Variants in RBFOX3 observed in about 807,000 individuals in gnomAD.
RBFOX3 encodes the protein RNA binding protein fox-1 homolog 3.
RBFOX3 carries 17 observed loss-of-function variants against 48.7 expected under a neutral mutation model. The observed-to-expected ratio is 0.35, with a 90% CI of 0.24 to 0.52. The LOEUF (loss-of-function observed/expected upper bound fraction) is 0.52. RBFOX3 is among the 20% of genes least tolerant of loss of function. The pLI is 0.94. For synonymous variants in RBFOX3, 212 were observed against 209.5 expected, an observed-to-expected ratio of 1.01 and a Z score of -0.10; for missense variants, 382 against 497.5, an observed-to-expected ratio of 0.77 and a Z score of 2.21.
chr17:79,257,055 G>A lies in RBFOX3; in HGVS notation c.-73-21250C>T, dbSNP rs191451324. On this transcript the variant is annotated intron_variant, in intron 3 of 14. Coordinates refer to ENST00000693108, the MANE Select transcript of RBFOX3 (RefSeq NM_001350451.2). ...CTGCTGTCTCTCCACCTGCCCTACC[G>A]TGAGGCAGCAGACGGGTCCCCTCCA... Among the ~76,000 whole-genome samples, 37 of 152,300 alleles carry A rather than the reference G, an allele frequency of 2.4e-4. No individual in the cohort carries two copies. The East Asian group carries it at 5.4e-3, about 22-fold the overall frequency.
At chr17:79,371,461 C>A (rs2058531490) in intron 2 of RBFOX3, among the ~76,000 whole-genome samples, 1 of 152,200 alleles carries the variant, frequency 6.6e-6, no homozygotes, top group African/African-American at 2.4e-5. Context: ...TGCAGAGTGG[C>A]CCTTGTTGCT....
the RBFOX3 span, among the ~76,000 whole-genome samples, chr17:79,656,769 GGAAGGAAGGAA>G: frequency 3.2e-5 from 2 of 62,976 alleles, no homozygotes; most frequent in Non-Finnish European, 6.3e-5. Flanking sequence ...AAGGAAGGAA[GGAAGGAAGGAA>G]AGAAAGAAAG....
intron 4 of RBFOX3, among the ~76,000 whole-genome samples, chr17:79,189,159 C>G (rs2053993323): frequency 6.6e-6 from 1 of 152,214 alleles, no homozygotes; most frequent in Non-Finnish European, 1.5e-5. Flanking sequence ...TGTAACAATA[C>G]CTTGTATCTG....
chr17:79,395,653 C>T (rs2061900543), intron 2 of RBFOX3, among the ~76,000 whole-genome samples: 1 of 152,232 alleles, frequency 6.6e-6, no homozygotes, highest in African/African-American at 2.4e-5. Flanking sequence ...AGTGGGTCAT[C>T]TCCCCCAACC....
chr17:79,119,565 T>C (rs2035124485), intron 4 of RBFOX3, among the ~76,000 whole-genome samples: 1 of 152,168 alleles, frequency 6.6e-6, no homozygotes, highest in East Asian at 1.9e-4. Context: ...GTCTAGACCC[T>C]GCAATGCACG....
At chr17:79,360,049 T>A (rs1484977359) in intron 2 of RBFOX3, among the ~76,000 whole-genome samples, 2 of 152,096 alleles carry the variant, frequency 1.3e-5, no homozygotes, top group African/African-American at 4.8e-5. Flanking sequence ...TTTCTTTATT[T>A]TTTTTTTCAT....
intron 3 of RBFOX3, among the ~76,000 whole-genome samples, chr17:79,245,094 G>A (rs984418532): frequency 8.6e-6 from 1 of 116,166 alleles, no homozygotes; most frequent in Non-Finnish European, 1.7e-5. Context: ...TTTTCTTTTT[G>A]AGACAGAGTC....
intron 3 of RBFOX3, among the ~76,000 whole-genome samples, chr17:79,295,780 T>A (rs1428720890): frequency 6.6e-6 from 1 of 152,142 alleles, no homozygotes; most frequent in African/African-American, 2.4e-5. Flanking sequence ...GGGTGGGATC[T>A]AGTACCTTCC....
At position 79,363,933 on chromosome 17, in the gene RBFOX3, G is replaced by C. The variant is rs2057363801; in HGVS notation, c.-174-56109C>G. On this transcript the variant is annotated intron_variant, in intron 2 of 14. Coordinates refer to ENST00000693108, the MANE Select transcript of RBFOX3 (RefSeq NM_001350451.2). This position sits in a 1 kb window ranked among gnomAD's most constrained non-coding sequence, Gnocchi z 4.7. Reference sequence around the variant, plus strand: ...TCACCCACTCCACTCCAGCCACCCTGGCCTCCAGCTCCTCCACAAATCACA... The same window carrying C: ...TCACCCACTCCACTCCAGCCACCCTCGCCTCCAGCTCCTCCACAAATCACA... 1.3e-5 allele frequency among the ~76,000 whole-genome samples: 2 copies of C among 152,048 alleles called. 1 individual carries two copies. Among genetic ancestry groups the C allele is most frequent in the African/African-American group, 4.8e-5 (2 of 41,384 alleles).
At chr17:79,504,433 C>T (rs1259088865) in intron 1 of RBFOX3, among the ~76,000 whole-genome samples, 1 of 152,208 alleles carries the variant, frequency 6.6e-6, no homozygotes, top group Admixed American at 6.5e-5. Flanking sequence ...CTCAAAGCAA[C>T]AGAAGCTTCT....
At chr17:79,399,087 C>T (rs1177837213) in intron 2 of RBFOX3, among the ~76,000 whole-genome samples, 3 of 152,114 alleles carry the variant, frequency 2.0e-5, no homozygotes, top group African/African-American at 4.8e-5. Context: ...GGGAACCCCT[C>T]GGGTGGCTGG....
chr17:79,407,338 A>G (rs2063682102), intron 2 of RBFOX3, among the ~76,000 whole-genome samples: 1 of 152,252 alleles, frequency 6.6e-6, no homozygotes, highest in Admixed American at 6.5e-5. Context: ...AAGTAACAAT[A>G]GAAATCTCAC....
intron 2 of RBFOX3, among the ~76,000 whole-genome samples, chr17:79,434,510 C>T (rs896242481): frequency 7.2e-5 from 11 of 152,226 alleles, no homozygotes; most frequent in Admixed American, 3.9e-4. Context: ...GTCCATGAAG[C>T]GAGTTGGGAT....
intron 4 of RBFOX3, among the ~76,000 whole-genome samples, chr17:79,203,814 T>C (rs1256150252): frequency 6.6e-6 from 1 of 152,144 alleles, no homozygotes; most frequent in Non-Finnish European, 1.5e-5. Context: ...TAGTTTTTGG[T>C]GTACCAATTG....
Position 79,605,844 on chromosome 17 carries a change from C to A in RBFOX3, c.-320+4982G>T, listed in dbSNP as rs1028885717. 4.5e-4 allele frequency among the ~76,000 whole-genome samples: 69 copies of A among 152,322 alleles called. No individual in the cohort carries two copies. In the Middle Eastern group the frequency reaches 0.01, roughly 23 times the overall value. On this transcript the variant is annotated intron_variant, in intron 1 of 14. Coordinates refer to ENST00000693108, the MANE Select transcript of RBFOX3 (RefSeq NM_001350451.2). ...CGCCAGCAAGTTACAACCCACCTCT[C>A]AGGTGGAACCCACGAGCCCTGGCCC... is the stretch of plus-strand genomic sequence containing the variant.
intron 2 of RBFOX3, among the ~76,000 whole-genome samples, chr17:79,412,796 T>C (rs545861096): frequency 1.3e-5 from 2 of 151,998 alleles, no homozygotes; most frequent in South Asian, 4.2e-4. Context: ...GTGTGGTGTA[T>C]GTGTGTGTGC....
intron 2 of RBFOX3, among the ~76,000 whole-genome samples, chr17:79,349,530 C>G (rs2083494274): frequency 6.6e-6 from 1 of 152,140 alleles, no homozygotes. Flanking sequence ...CCCAGACCTC[C>G]CATTGAAGCA....
the RBFOX3 span, among the ~76,000 whole-genome samples, chr17:79,622,648 A>G: frequency 2.6e-5 from 4 of 152,098 alleles, no homozygotes; most frequent in Non-Finnish European, 5.9e-5. Flanking sequence ...AGCCGTCCCC[A>G]TGTGGCCTGC....
chr17:79,350,622 C>T (rs1305808382), intron 2 of RBFOX3, among the ~76,000 whole-genome samples: 2 of 152,178 alleles, frequency 1.3e-5, no homozygotes, highest in Non-Finnish European at 2.9e-5. Flanking sequence ...GGCTGTGACC[C>T]CTGCCCCACC....
Sources: allele counts gnomAD v4.1 joint callset (sites outside exome capture counted in the v4.1 genomes callset), GRCh38; gene constraint gnomAD v4.1.1; non-coding constraint Gnocchi (gnomAD v3.1); transcripts MANE v1.5; gene names NCBI Gene and HGNC (gene_info 2026-07-23, HGNC 2026-07-21).